POU6F2: variants seen among roughly 807,000 people sequenced by gnomAD.
The protein encoded by POU6F2 is POU class 6 homeobox 2.
A neutral mutation model predicts 71.3 loss-of-function variants in POU6F2; 31 were observed. The observed-to-expected ratio is 0.43, with a 90% CI of 0.33 to 0.59. The LOEUF (loss-of-function observed/expected upper bound fraction) is 0.59, where lower values mean the gene tolerates loss of function less well. Ranked by LOEUF, POU6F2 falls within the 20% of genes least tolerant of loss-of-function variation. The pLI is 0.04. For missense variants in POU6F2, 783 were observed against 856.8 expected, an observed-to-expected ratio of 0.91 and a Z score of 1.07; for synonymous variants, 347 against 355.7, an observed-to-expected ratio of 0.98 and a Z score of 0.27.
chr7:39,406,492 G>C (rs1475408019), intron 5 of POU6F2, 108 bp from the exon 6 acceptor site: 2 of 1,361,268 alleles, frequency 1.5e-6, no homozygotes, highest in Non-Finnish European at 2.0e-6. Flanking sequence ...CAGGCCCTTT[G>C]CATGAGCGAA....
At chr7:39,061,431 TG>T (rs1227589251) in intron 1 of POU6F2, among the ~76,000 whole-genome samples, 1 of 152,230 alleles carries the variant, frequency 6.6e-6, no homozygotes, top group Non-Finnish European at 1.5e-5. Context: ...TAAAAACCCA[TG>T]TTAATAAACT....
At chr7:39,107,902 C>T (rs1452022659) in intron 2 of POU6F2, among the ~76,000 whole-genome samples, 2 of 152,182 alleles carry the variant, frequency 1.3e-5, no homozygotes, top group African/African-American at 4.8e-5. Context: ...TTTATTCTCT[C>T]TCCCCTTCCT....
intron 2 of POU6F2, among the ~76,000 whole-genome samples, chr7:39,096,008 C>T (rs1791448226): frequency 6.6e-6 from 1 of 152,098 alleles, no homozygotes; most frequent in South Asian, 2.1e-4. Flanking sequence ...TTTTCTCTGG[C>T]TATTTTTAGT....
intron 2 of POU6F2, among the ~76,000 whole-genome samples, chr7:39,141,775 T>C (rs1562721127): frequency 6.6e-6 from 1 of 152,156 alleles, no homozygotes. Context: ...GAAAGAAGAC[T>C]GAAAAAAGTA....
chr7:39,266,773 A>ATATC (rs5883682), intron 4 of POU6F2, among the ~76,000 whole-genome samples: 106,295 of 147,344 alleles, frequency 0.72, 38,280 homozygotes, highest in Admixed American at 0.8. Context: ...TTTGATATAT[A>ATATC]TATGTTGTAT....
chr7:39,198,960 C>T (rs976836950), intron 2 of POU6F2, among the ~76,000 whole-genome samples: 13 of 152,212 alleles, frequency 8.5e-5, no homozygotes, highest in African/African-American at 3.1e-4. Context: ...GAATAAGTAA[C>T]CTTTGTGTCA....
Position 39,278,624 on chromosome 7 carries a change from C to A in POU6F2, c.599-61018C>A, listed in dbSNP as rs545991323. On this transcript the variant is annotated intron_variant, in intron 4 of 9. Coordinates refer to ENST00000518318, the MANE Select transcript of POU6F2 (RefSeq NM_001370959.1). ...TAGACACCCACCCGTGCTTGTCCCA[C>A]CCCTGTGTAAGGGCTCTCCTTTCTG... 2.9e-3 allele frequency among the ~76,000 whole-genome samples: 444 copies of A among 152,214 alleles called. 1 individual carries two copies. The highest frequency in any genetic ancestry group is 0.01 in the African/African-American group (430 of 41,530).
intron 7 of POU6F2, among the ~76,000 whole-genome samples, chr7:39,451,312 A>G (rs1788652834): frequency 1.3e-5 from 2 of 151,194 alleles, no homozygotes; most frequent in African/African-American, 2.4e-5. Flanking sequence ...TTAATAATAT[A>G]TTTAGAATTA....
At chr7:39,431,983 G>A (rs1005983934) in intron 6 of POU6F2, among the ~76,000 whole-genome samples, 3 of 152,186 alleles carry the variant, frequency 2.0e-5, no homozygotes, top group East Asian at 1.9e-4. Context: ...GCATCCACAC[G>A]GCCAGTGCCA....
intron 2 of POU6F2, among the ~76,000 whole-genome samples, chr7:39,167,811 A>G (rs927526800): frequency 6.6e-6 from 1 of 151,772 alleles, no homozygotes; most frequent in Non-Finnish European, 1.5e-5. Flanking sequence ...TTTTATACCA[A>G]TTCTTCATTG....
At chr7:39,413,916 G>A (rs968821271) in intron 6 of POU6F2, among the ~76,000 whole-genome samples, 2 of 152,076 alleles carry the variant, frequency 1.3e-5, no homozygotes, top group Non-Finnish European at 2.9e-5. Flanking sequence ...CCCTAAATGT[G>A]CGCTTCGGGA....
chr7:39,181,669 A>G (rs1793438208), intron 2 of POU6F2, among the ~76,000 whole-genome samples: 1 of 151,890 alleles, frequency 6.6e-6, no homozygotes, highest in South Asian at 2.1e-4. Flanking sequence ...TCCTGTTCCA[A>G]CTCCTTTCAA....
At chr7:39,398,435 C>A (rs1225931839) in intron 5 of POU6F2, among the ~76,000 whole-genome samples, 3 of 151,914 alleles carry the variant, frequency 2.0e-5, no homozygotes, top group Non-Finnish European at 4.4e-5. Context: ...GATCCACTAT[C>A]CAGTTCCTAC....
intron 2 of POU6F2, among the ~76,000 whole-genome samples, chr7:39,096,523 G>A (rs1484015260): frequency 6.6e-6 from 1 of 152,154 alleles, no homozygotes; most frequent in East Asian, 1.9e-4. Context: ...AGAGGAGTCT[G>A]GCAGAAGAAG....
At chr7:38,997,769 T>C (rs1184398041) in intron 1 of POU6F2, among the ~76,000 whole-genome samples, 1 of 152,236 alleles carries the variant, frequency 6.6e-6, no homozygotes, top group Non-Finnish European at 1.5e-5. Flanking sequence ...TGTTATGGAC[T>C]GATGGCACGT....
intron 5 of POU6F2, among the ~76,000 whole-genome samples, chr7:39,393,242 G>A (rs760489678): frequency 1.8e-4 from 28 of 152,134 alleles, no homozygotes; most frequent in Admixed American, 7.9e-4. Context: ...TCTGCTTTCC[G>A]TTTCATGTAC....
intron 1 of POU6F2, among the ~76,000 whole-genome samples, chr7:38,978,651 G>A (rs1584476923): frequency 6.6e-6 from 1 of 152,186 alleles, no homozygotes; most frequent in Non-Finnish European, 1.5e-5. Context: ...AATCTTGAAA[G>A]GTCCAGGTGG....
chr7:38,987,295 G>A (rs768007281), intron 1 of POU6F2, among the ~76,000 whole-genome samples: 7 of 152,104 alleles, frequency 4.6e-5, no homozygotes, highest in African/African-American at 7.2e-5. Flanking sequence ...AGAGAATGGC[G>A]TAAAGAGCTG....
intron 1 of POU6F2, among the ~76,000 whole-genome samples, chr7:39,084,501 C>T (rs79756471): frequency 6.6e-6 from 1 of 152,094 alleles, no homozygotes; most frequent in Non-Finnish European, 1.5e-5. Context: ...ATGTGTTTAC[C>T]TACAGTATTT....
Sources: gnomAD v4.1 joint callset for allele counts (sites outside exome capture counted in the v4.1 genomes callset) on GRCh38, gnomAD v4.1.1 for gene constraint, MANE v1.5 for transcripts, NCBI Gene and HGNC (gene_info 2026-07-23, HGNC 2026-07-21) for gene names.